The following C2CD2 variants were observed in gnomAD, a reference collection of about 807,000 sequenced individuals.
C2CD2 encodes the protein C2 domain-containing protein 2.
A neutral mutation model predicts 74.3 loss-of-function variants in C2CD2; 43 were observed. The observed-to-expected ratio is 0.58, with a 90% CI of 0.45 to 0.75. C2CD2 has a LOEUF of 0.75. C2CD2 is among the 30% of genes least tolerant of loss of function. The probability of loss-of-function intolerance (pLI) is 0.00; values close to 1 mark genes in which losing one functional copy is unlikely to be tolerated. For synonymous variants in C2CD2, 422 were observed against 390.7 expected (o/e 1.08, Z -0.94); for missense variants, 801 against 916.3 (o/e 0.87, Z 1.63).
At position 41,953,612 on chromosome 21, in the gene C2CD2, C is replaced by A; in HGVS notation, c.37G>T (p.Ala13Ser). The change falls in exon 1 of 14, where the codon GCG becomes TCG. Residue 13 changes from alanine (A) to serine (S), a missense_variant. Transcript: ENST00000380486. ...MARLGSWLGEAQWLALVSLFV... is the reference protein window; with the variant it reads ...MARLGSWLGESQWLALVSLFV... ...AGCGACACCAGCGCGAGCCACTGCG[C>A]CTCCCCGAGCCACGAGCCCAGCCGG... 6.7e-7 allele frequency: 1 copy of A among 1,492,432 alleles called. No individual in the cohort carries two copies. Among genetic ancestry groups the A allele is most frequent in the East Asian group, 2.9e-5 (1 of 34,508 alleles). 92.4% of individuals were successfully genotyped at this position (1,492,432 alleles called of 1,614,324 possible). A position where few individuals can be genotyped will look rare whatever the true frequency, so the allele number is the denominator to read the frequency against.
intron 2 of C2CD2, among the ~76,000 whole-genome samples, chr21:41,941,213 T>A (rs1411319728): frequency 2.6e-5 from 4 of 151,956 alleles, no homozygotes; most frequent in Admixed American, 1.3e-4. Context: ...ATTAAAAAAT[T>A]AGCCAGGCAC....
intron 3 of C2CD2, among the ~76,000 whole-genome samples, chr21:41,919,195 C>T (rs573280488): frequency 6.6e-6 from 1 of 152,184 alleles, no homozygotes; most frequent in South Asian, 2.1e-4. Flanking sequence ...TGAATGTGTG[C>T]ATGTGCATGT....
At chr21:41,910,845 A>G (rs1011792689) in intron 7 of C2CD2, among the ~76,000 whole-genome samples, 4 of 152,216 alleles carry the variant, frequency 2.6e-5, no homozygotes, top group African/African-American at 9.7e-5. Flanking sequence ...TTTCTACCTT[A>G]TATCAATTAT....
rs1329654367 is a variant in C2CD2, at chr21:41,899,415, T to C, written c.1561-53A>G. The C allele has an allele frequency of 1.3e-5, 20 of 1,529,524 alleles. No homozygotes were observed. Among genetic ancestry groups the C allele is most frequent in the Middle Eastern group, 3.4e-4 (2 of 5,894 alleles). 94.7% of individuals were successfully genotyped at this position (1,529,524 alleles called of 1,614,324 possible). On this transcript the variant is annotated intron_variant, in intron 12 of 13. Transcript: ENST00000380486. The surrounding 1 kb of genome is among the most constrained non-coding windows in gnomAD (Gnocchi z 4.4). ...AGGGATACATGAAAGGAAGGGAGGGTTTGAAAAGAACTGAAAAGCACTCTC... is the reference window on the plus strand; with the variant it reads ...AGGGATACATGAAAGGAAGGGAGGGCTTGAAAAGAACTGAAAAGCACTCTC...
At chr21:41,905,963 C>A (rs117578869) in intron 10 of C2CD2, 126 bp from the exon 11 acceptor site, 1 of 696,210 alleles carries the variant, frequency 1.4e-6, no homozygotes. Context: ...CAAAGCTTAA[C>A]GAAAGCTGTT....
At position 41,887,883 on chromosome 21, in the gene C2CD2, A is replaced by C. The variant is rs2064703028; in HGVS notation, c.*1241T>G. The stretch of plus-strand genomic sequence containing the variant: ...CAATGATGACTGCTCTTTGACCAGC[A>C]TGTCTACTGGAAGTGGCACATTCAG... On this transcript the variant is annotated 3_prime_UTR_variant, in exon 14 of 14. Transcript: ENST00000380486. 1 of 152,250 alleles carries C rather than the reference A, an allele frequency of 6.6e-6. No homozygotes were observed. Among genetic ancestry groups the C allele is most frequent in the African/African-American group, 2.4e-5 (1 of 41,454 alleles). The allele number at this position is 152,250 out of a possible 1,614,324, so 9.4% of individuals were successfully genotyped here.
Position 41,889,193 on chromosome 21 carries a change from G to T in C2CD2, c.2022C>A (p.Asn674Lys), listed in dbSNP as rs756539158. 1 of 1,613,152 alleles carries T rather than the reference G, an allele frequency of 6.2e-7. No individual in the cohort carries two copies. Among genetic ancestry groups the T allele is most frequent in the Non-Finnish European group, 8.5e-7 (1 of 1,180,046 alleles). Residue 674 changes from asparagine to lysine, a missense_variant, in exon 14 of 14, where the codon AAC becomes AAA. Physicochemically the swap from Asn to Lys is moderately conservative, Grantham distance 94. Transcript: ENST00000380486. ...TTCTGTGCCTGGAGAGCAGCTTCTT[G>T]TTCAGGATCCTGGTGAGGGTGATGC... ...RKGITLTRIL[N>K]KKLLSRHRNK...
chr21:41,905,633 CA>C (rs35279709), intron 11 of C2CD2, 90 bp downstream of exon 11: 382,094 of 730,694 alleles, frequency 0.52, 102,228 homozygotes, highest in Non-Finnish European at 0.56. Context: ...CAACTTTTTC[CA>C]AATTCTGAAA....
rs771802441 is a variant in C2CD2, at chr21:41,926,670, A to T, written c.379-4585T>A. 2.0e-6 allele frequency: 2 copies of T among 981,090 alleles called. No homozygotes were observed. Among genetic ancestry groups the T allele is most frequent in the Non-Finnish European group, 1.2e-6 (1 of 826,204 alleles). 60.8% of individuals were successfully genotyped at this position (981,090 alleles called of 1,614,324 possible). ...CTCCAGATTTTGCTACTGTTCACCA[A>T]CAAGAGAGCCCCTGAGTCTTCAGAT... is the stretch of plus-strand genomic sequence containing the variant. On this transcript the variant is annotated intron_variant, in intron 2 of 13. Transcript: ENST00000380486. This position sits in a 1 kb window ranked among gnomAD's most constrained non-coding sequence, Gnocchi z 8.0.
chr21:41,953,425 CT>C lies in C2CD2; in HGVS notation c.223del (p.Ser75AlafsTer8). 6.9e-7 allele frequency: 1 copy of C among 1,449,206 alleles called. No individual in the cohort carries two copies. Among genetic ancestry groups the C allele is most frequent in the Non-Finnish European group, 9.1e-7 (1 of 1,093,852 alleles). The allele number at this position is 1,449,206 out of a possible 1,614,324, so 89.8% of individuals were successfully genotyped here. A position where few individuals can be genotyped will look rare whatever the true frequency, so the allele number is the denominator to read the frequency against. ...GGTCACCCAGGCCGCCTGCCACTGG[CT>C]CCTCCAGCTGCCCAGCGTCAGGATC... ...SWILTLGSWRSQWQAAWVTAL... is the reference protein window; with the variant it reads ...SWILTLGSWRXQWQAAWVTAL... On this transcript the variant is annotated frameshift_variant, in exon 1 of 14. Coordinates refer to ENST00000380486, the MANE Select transcript of C2CD2 (RefSeq NM_015500.2). LOFTEE classifies it high-confidence loss of function.
At chr21:41,897,334 G>C (rs919958886) in intron 13 of C2CD2, among the ~76,000 whole-genome samples, 44 of 152,192 alleles carry the variant, frequency 2.9e-4, no homozygotes, top group Non-Finnish European at 8.8e-5. Flanking sequence ...GGGCCATCCA[G>C]TCAGGTAAGG....
chr21:41,915,883 G>T (rs954227332), intron 5 of C2CD2, among the ~76,000 whole-genome samples: 2 of 152,108 alleles, frequency 1.3e-5, no homozygotes, highest in African/African-American at 4.8e-5. Flanking sequence ...AAGCATTCAG[G>T]GACCCAGACG....
chr21:41,942,755 C>T (rs142539516), intron 1 of C2CD2, among the ~76,000 whole-genome samples: 2,232 of 152,174 alleles, frequency 0.015, 30 homozygotes, highest in Middle Eastern at 0.071. Context: ...ACTTAGGGTG[C>T]CCCCCATTCT....
chr21:41,914,549 A>G, intron 6 of C2CD2, 49 bp downstream of exon 6: 1 of 1,578,118 alleles, frequency 6.3e-7, no homozygotes, highest in South Asian at 1.1e-5. Flanking sequence ...GACTCTGCTC[A>G]GGGGCTGGAA....
chr21:41,928,675 G>A (rs1341708592), intron 2 of C2CD2, among the ~76,000 whole-genome samples: 1 of 151,768 alleles, frequency 6.6e-6, no homozygotes, highest in African/African-American at 2.4e-5. Flanking sequence ...GTTATGGACA[G>A]AGCAGGGGAC....
Position 41,918,724 on chromosome 21 carries a change from C to T in C2CD2, c.597+132G>A, listed in dbSNP as rs368738568. 51 of 706,292 alleles carry T rather than the reference C, an allele frequency of 7.2e-5. No individual in the cohort carries two copies. In the East Asian group the frequency reaches 1.3e-3, roughly 18 times the overall value. The allele number at this position is 706,292 out of a possible 1,614,324, so 43.8% of individuals were successfully genotyped here. A position where few individuals can be genotyped will look rare whatever the true frequency, so the allele number is the denominator to read the frequency against. On this transcript the variant is annotated intron_variant, in intron 4 of 13. Coordinates refer to ENST00000380486, the MANE Select transcript of C2CD2 (RefSeq NM_015500.2). ...CACATCCTGAGAGGCCCAAGCCAGC[C>T]CCAGGAGGAGTGGCTGGGACAGGGA...
intron 13 of C2CD2, among the ~76,000 whole-genome samples, chr21:41,896,445 T>C (rs1270947844): frequency 6.6e-6 from 1 of 152,206 alleles, no homozygotes; most frequent in Non-Finnish European, 1.5e-5. Context: ...CTTGAAACTT[T>C]TGTGCTTACT....
chr21:41,919,248 CTGTG>C (rs965754494), intron 3 of C2CD2, among the ~76,000 whole-genome samples: 7 of 152,128 alleles, frequency 4.6e-5, no homozygotes, highest in Admixed American at 1.3e-4. Flanking sequence ...GCACGTGTGC[CTGTG>C]TGTATGTGTG....
rs2064670330 is a variant in C2CD2 at position 41,885,238 on chromosome 21, T to C, written c.*3886A>G. The C allele has an allele frequency of 6.6e-6, 1 of 152,254 alleles. No individual in the cohort carries two copies. Among genetic ancestry groups the C allele is most frequent in the African/African-American group, 2.4e-5 (1 of 41,456 alleles). The allele number at this position is 152,254 out of a possible 1,614,324, so 9.4% of individuals were successfully genotyped here. ...GGGCTGTCTTCGGCGTTTAAAGTGC[T>C]ACTGAGGAATACAATCATTGTCACG... is the stretch of plus-strand genomic sequence containing the variant. On this transcript the variant is annotated 3_prime_UTR_variant, in exon 14 of 14. Transcript: ENST00000380486.
Sources: allele counts gnomAD v4.1 joint callset (sites outside exome capture counted in the v4.1 genomes callset), GRCh38; gene constraint gnomAD v4.1.1; non-coding constraint Gnocchi (gnomAD v3.1); transcripts MANE v1.5; gene names NCBI Gene and HGNC (gene_info 2026-07-23, HGNC 2026-07-21).